CELF4: variants seen among roughly 807,000 people sequenced by gnomAD.
CELF4 encodes CUG-BP- and ETR-3-like factor 4.
A neutral mutation model predicts 59.9 loss-of-function variants in CELF4; 18 were observed. The observed-to-expected ratio is 0.30, with a 90% confidence interval of 0.21 to 0.45. CELF4 has a LOEUF of 0.45. CELF4 is among the 20% of genes least tolerant of loss of function. The pLI is 1.00. For synonymous variants in CELF4, 261 were observed against 267.1 expected (o/e 0.98, Z 0.22); for missense variants, 456 against 689.0 (o/e 0.66, Z 3.79).
chr18:37,508,275 G>T (rs2099940434), intron 1 of CELF4, among the ~76,000 whole-genome samples: 1 of 152,200 alleles, frequency 6.6e-6, no homozygotes, highest in African/African-American at 2.4e-5. Context: ...TGCTAGCAAG[G>T]CAGTGGCATG....
chr18:37,501,752 G>A (rs1045634713), intron 1 of CELF4, among the ~76,000 whole-genome samples: 1 of 152,224 alleles, frequency 6.6e-6, no homozygotes, highest in Non-Finnish European at 1.5e-5. Context: ...CCTTGCAGTG[G>A]TTGGAGTGAA....
Position 37,467,384 on chromosome 18 carries a change from C to T in CELF4, c.369+18141G>A, listed in dbSNP as rs180851547. 1.1e-4 allele frequency among the ~76,000 whole-genome samples: 16 copies of T among 152,272 alleles called. No homozygotes were observed. The Middle Eastern group carries it at 0.017, about 162-fold the overall frequency. On this transcript the variant is annotated intron_variant, in intron 2 of 12. Transcript: ENST00000420428. ...TGTCTGGAACTCGGCCTTGACCATC[C>T]TGCACATGGGCTGGGGCAACTCCAC...
intron 9 of CELF4, among the ~76,000 whole-genome samples, chr18:37,265,090 C>T (rs557176601): frequency 3.8e-4 from 56 of 145,894 alleles, no homozygotes; most frequent in African/African-American, 1.0e-3. Flanking sequence ...GTGTACAGTA[C>T]ATGCATACAT....
intron 2 of CELF4, among the ~76,000 whole-genome samples, chr18:37,354,179 G>C (rs1320020507): frequency 6.6e-6 from 1 of 152,110 alleles, no homozygotes; most frequent in Non-Finnish European, 1.5e-5. Flanking sequence ...GTGTTCTAGG[G>C]AGTGTGCCAG....
intron 2 of CELF4, among the ~76,000 whole-genome samples, chr18:37,332,690 C>T (rs1186467768): frequency 1.3e-5 from 2 of 152,256 alleles, no homozygotes; most frequent in Non-Finnish European, 2.9e-5. Context: ...GGGAGCCCCT[C>T]CCTGCTAGGG....
At chr18:37,560,345 A>G (rs941876764) in intron 1 of CELF4, among the ~76,000 whole-genome samples, 1 of 152,260 alleles carries the variant, frequency 6.6e-6, no homozygotes, top group African/African-American at 2.4e-5. Context: ...GCAAATAACC[A>G]TCAGTCTCTT....
chr18:37,260,594 G>A (rs921914811), intron 10 of CELF4, among the ~76,000 whole-genome samples: 4 of 152,158 alleles, frequency 2.6e-5, no homozygotes, highest in African/African-American at 7.2e-5. Flanking sequence ...AGAGCCAACC[G>A]TCCTTGTTCT....
chr18:37,311,369 G>A (rs1239218264), intron 3 of CELF4, among the ~76,000 whole-genome samples: 3 of 152,178 alleles, frequency 2.0e-5, no homozygotes, highest in East Asian at 1.9e-4. Context: ...CCCCAACCAC[G>A]AAGACCAATT....
At chr18:37,399,503 T>C (rs946719344) in intron 2 of CELF4, among the ~76,000 whole-genome samples, 1 of 152,210 alleles carries the variant, frequency 6.6e-6, no homozygotes, top group Non-Finnish European at 1.5e-5. Context: ...TATTCTGTTA[T>C]AGCAGCAAAA....
chr18:37,277,806 G>A (rs973204329), intron 3 of CELF4, among the ~76,000 whole-genome samples: 8 of 151,928 alleles, frequency 5.3e-5, no homozygotes, highest in Non-Finnish European at 1.0e-4. Context: ...AGGCTCAATC[G>A]AATTGGGTTT....
chr18:37,402,720 C>G (rs1414237611), intron 2 of CELF4, among the ~76,000 whole-genome samples: 1 of 152,102 alleles, frequency 6.6e-6, no homozygotes, highest in Non-Finnish European at 1.5e-5. Flanking sequence ...AGATCTTTCT[C>G]CCCCCATAAC....
At chr18:37,266,728 A>G (rs1408989258) in intron 8 of CELF4, 130 bp from the exon 9 acceptor site, 1 of 808,202 alleles carries the variant, frequency 1.2e-6, no homozygotes, top group Non-Finnish European at 1.9e-6. Flanking sequence ...GGGGCAGGGC[A>G]TCCGAGACAG....
At chr18:37,542,694 G>A (rs1483650030) in intron 1 of CELF4, among the ~76,000 whole-genome samples, 1 of 152,120 alleles carries the variant, frequency 6.6e-6, no homozygotes, top group Non-Finnish European at 1.5e-5. Flanking sequence ...ATAAATACAT[G>A]TTAACAATTC....
At chr18:37,379,220 G>A (rs2099007326) in intron 2 of CELF4, among the ~76,000 whole-genome samples, 1 of 152,106 alleles carries the variant, frequency 6.6e-6, no homozygotes, top group Admixed American at 6.5e-5. Flanking sequence ...ATGAGAGCAG[G>A]GATAAACAGT....
At chr18:37,275,464 T>C (rs1285096868) in intron 3 of CELF4, among the ~76,000 whole-genome samples, 2 of 151,768 alleles carry the variant, frequency 1.3e-5, no homozygotes, top group Non-Finnish European at 2.9e-5. Flanking sequence ...GAGCGCACAG[T>C]CGCGGGACAG....
At chr18:37,547,997 G>C (rs2099981999) in intron 1 of CELF4, among the ~76,000 whole-genome samples, 1 of 152,008 alleles carries the variant, frequency 6.6e-6, no homozygotes, top group South Asian at 2.1e-4. Flanking sequence ...GCATATATGA[G>C]TATCTATATG....
At chr18:37,338,827 G>C (rs1392281172) in intron 2 of CELF4, among the ~76,000 whole-genome samples, 1 of 151,762 alleles carries the variant, frequency 6.6e-6, no homozygotes, top group Non-Finnish European at 1.5e-5. Flanking sequence ...GGGTGGCTTT[G>C]AGAGCAGAAC....
chr18:37,447,510 C>G (rs187659708), intron 2 of CELF4, among the ~76,000 whole-genome samples: 22 of 152,238 alleles, frequency 1.4e-4, no homozygotes, highest in South Asian at 6.2e-4. Context: ...GGGCCTTCCT[C>G]TCCTGCAGCT....
At chr18:37,294,744 C>T (rs1398493367) in intron 3 of CELF4, among the ~76,000 whole-genome samples, 2 of 152,172 alleles carry the variant, frequency 1.3e-5, no homozygotes, top group South Asian at 2.1e-4. Flanking sequence ...GTGGAATACC[C>T]GTTTCATTTG....
Sources: gnomAD v4.1 joint callset for allele counts (sites outside exome capture counted in the v4.1 genomes callset) on GRCh38, gnomAD v4.1.1 for gene constraint, MANE v1.5 for transcripts, NCBI Gene and HGNC (gene_info 2026-07-23, HGNC 2026-07-21) for gene names.